Variants in LRP1B observed in about 807,000 individuals in gnomAD.
LRP1B encodes the protein low-density lipoprotein receptor-related protein 1B.
In LRP1B, 217 loss-of-function variants were observed where a neutral mutation model predicts 556.6. That is an observed-to-expected ratio of 0.39 (90% CI 0.35 to 0.44). The LOEUF (loss-of-function observed/expected upper bound fraction) is 0.44, where lower values mean the gene tolerates loss of function less well. LRP1B is among the 20% of genes least tolerant of loss of function. LRP1B has a pLI of 1.00. For missense variants in LRP1B, 5,053 were observed against 5,620.8 expected (o/e 0.90, Z 3.23); for synonymous variants, 2,047 against 1,865.8 (o/e 1.10, Z -2.50).
intron 32 of LRP1B, among the ~76,000 whole-genome samples, chr2:140,779,418 C>T (rs56313835): frequency 0.43 from 65,960 of 151,956 alleles, 15,840 homozygotes; most frequent in East Asian, 0.66. Context: ...GAAGTGTGGC[C>T]GGGCATGGTG....
intron 3 of LRP1B, among the ~76,000 whole-genome samples, chr2:141,294,328 T>G (rs1686096007): frequency 6.6e-6 from 1 of 152,104 alleles, no homozygotes; most frequent in African/African-American, 2.4e-5. Context: ...ATATTATGAC[T>G]TAAGAAAAGT....
chr2:140,509,619 A>G (rs541151065), intron 52 of LRP1B, among the ~76,000 whole-genome samples: 1 of 152,306 alleles, frequency 6.6e-6, no homozygotes, highest in Non-Finnish European at 1.5e-5. Flanking sequence ...AGAAAGTACC[A>G]AACCTACTGC....
At chr2:140,395,152 T>A (rs1684194902) in intron 66 of LRP1B, among the ~76,000 whole-genome samples, 1 of 152,222 alleles carries the variant, frequency 6.6e-6, no homozygotes, top group South Asian at 2.1e-4. Flanking sequence ...AGACTCCTAA[T>A]AGTAATGTTG....
At chr2:140,854,941 G>T (rs958890239) in intron 27 of LRP1B, among the ~76,000 whole-genome samples, 1 of 152,138 alleles carries the variant, frequency 6.6e-6, no homozygotes, top group Non-Finnish European at 1.5e-5. Flanking sequence ...TTGATCAATG[G>T]AGTGCTATAA....
intron 1 of LRP1B, among the ~76,000 whole-genome samples, chr2:141,852,845 T>A (rs1278039941): frequency 6.6e-6 from 1 of 151,434 alleles, no homozygotes; most frequent in Non-Finnish European, 1.5e-5. Context: ...CCAGTACATA[T>A]TGTTTTTAAA....
intron 2 of LRP1B, among the ~76,000 whole-genome samples, chr2:141,520,178 G>T (rs1253008768): frequency 1.3e-5 from 2 of 152,086 alleles, no homozygotes; most frequent in East Asian, 3.9e-4. Context: ...TGAAACTTTG[G>T]TAACATAGTA....
intron 43 of LRP1B, among the ~76,000 whole-genome samples, chr2:140,569,084 GAGAA>G (rs1681227155): frequency 6.6e-6 from 1 of 151,726 alleles, no homozygotes; most frequent in Admixed American, 6.6e-5. Flanking sequence ...AAAAGAGAAA[GAGAA>G]AGAAACCAAA....
intron 1 of LRP1B, among the ~76,000 whole-genome samples, chr2:141,939,746 G>A (rs1032496104): frequency 1.3e-5 from 2 of 151,840 alleles, no homozygotes; most frequent in Admixed American, 6.6e-5. Flanking sequence ...CTGTTTCATC[G>A]ATGTCATGTT....
intron 2 of LRP1B, among the ~76,000 whole-genome samples, chr2:141,542,665 T>C (rs1019020052): frequency 6.6e-6 from 1 of 152,162 alleles, no homozygotes; most frequent in Admixed American, 6.5e-5. Context: ...CTGTTAATCA[T>C]GTAAAGGTCT....
At chr2:141,786,885 T>C (rs1161587705) in intron 2 of LRP1B, among the ~76,000 whole-genome samples, 1 of 152,044 alleles carries the variant, frequency 6.6e-6, no homozygotes, top group Admixed American at 6.6e-5. Flanking sequence ...CTTCGCTGCA[T>C]ACATTGAGAT....
At chr2:141,694,096 A>T (rs1204350090) in intron 2 of LRP1B, among the ~76,000 whole-genome samples, 1 of 152,058 alleles carries the variant, frequency 6.6e-6, no homozygotes, top group Admixed American at 6.6e-5. Context: ...TAAGTGGTCC[A>T]CGGTCTGCCA....
chr2:140,777,140 G>T (rs1288285293), intron 32 of LRP1B, among the ~76,000 whole-genome samples: 1 of 152,110 alleles, frequency 6.6e-6, no homozygotes, highest in Non-Finnish European at 1.5e-5. Flanking sequence ...TTATCAAGAA[G>T]AATAGAATTA....
intron 3 of LRP1B, among the ~76,000 whole-genome samples, chr2:141,349,204 A>C (rs952992302): frequency 6.6e-6 from 1 of 152,078 alleles, no homozygotes; most frequent in Admixed American, 6.6e-5. Context: ...TATTGATTGT[A>C]AATAACTAAT....
intron 27 of LRP1B, among the ~76,000 whole-genome samples, chr2:140,854,340 T>C (rs927510673): frequency 2.0e-5 from 3 of 152,162 alleles, no homozygotes; most frequent in Non-Finnish European, 4.4e-5. Context: ...TCTATGTACA[T>C]ACTAAAATTA....
intron 43 of LRP1B, among the ~76,000 whole-genome samples, chr2:140,557,563 G>A (rs1259108030): frequency 6.6e-6 from 1 of 152,002 alleles, no homozygotes; most frequent in Non-Finnish European, 1.5e-5. Flanking sequence ...GACCCCCTGT[G>A]ACCTCTCTGG....
chr2:141,319,028 A>G (rs2105466148), intron 3 of LRP1B, among the ~76,000 whole-genome samples: 2 of 152,170 alleles, frequency 1.3e-5, no homozygotes, highest in Admixed American at 1.3e-4. Context: ...TTACCACAAC[A>G]AGTCTTCCAA....
At chr2:142,004,367 G>A (rs1449726737) in intron 1 of LRP1B, among the ~76,000 whole-genome samples, 1 of 152,020 alleles carries the variant, frequency 6.6e-6, no homozygotes, top group East Asian at 1.9e-4. Context: ...CCATTGTTAT[G>A]ACAAAGGTAA....
intron 1 of LRP1B, among the ~76,000 whole-genome samples, chr2:141,897,196 C>CA (rs530786213): frequency 4.6e-5 from 7 of 151,102 alleles, no homozygotes; most frequent in Non-Finnish European, 7.4e-5. Context: ...CTATTCTCAC[C>CA]AAAAAAAGAC....
At chr2:140,999,812 T>C (rs1697360778) in intron 15 of LRP1B, among the ~76,000 whole-genome samples, 1 of 151,954 alleles carries the variant, frequency 6.6e-6, no homozygotes, top group African/African-American at 2.4e-5. Flanking sequence ...GGATGAAAGG[T>C]TGGAGATACA....
Sources: allele counts gnomAD v4.1 joint callset (sites outside exome capture counted in the v4.1 genomes callset), GRCh38; gene constraint gnomAD v4.1.1; transcripts MANE v1.5; gene names NCBI Gene and HGNC (gene_info 2026-07-23, HGNC 2026-07-21).